Variants in AGTPBP1 observed in about 807,000 individuals in gnomAD.
AGTPBP1 encodes ATP/GTP binding carboxypeptidase 1.
In AGTPBP1, 70 loss-of-function variants were observed where a neutral mutation model predicts 143.9. The observed-to-expected ratio is 0.49, with a 90% CI of 0.40 to 0.59. The LOEUF (loss-of-function observed/expected upper bound fraction) is 0.59. Ranked by LOEUF, AGTPBP1 falls within the 20% of genes least tolerant of loss-of-function variation. AGTPBP1 has a pLI of 0.00. For synonymous variants in AGTPBP1, 463 were observed against 500.2 expected (o/e 0.93, Z 0.99); for missense variants, 1,229 against 1,464.5 (o/e 0.84, Z 2.62).
Position 85,632,832 on chromosome 9 carries a change from C to T in AGTPBP1, c.1845G>A (p.Ser615=), listed in dbSNP as rs1276100349. Residue 615 remains serine, a synonymous_variant, in exon 14 of 26, where the codon TCG becomes TCA. Transcript: ENST00000357081. ...TESNSSVEQA[S]VEVPDGPTLH... ...GTGTTGGTCCATCAGGTACTTCAAC[C>T]GATGCTTGTTCTACCGATGAATTTG... is the stretch of plus-strand genomic sequence containing the variant. The T allele has an allele frequency of 6.2e-6, 10 of 1,614,000 alleles. No individual in the cohort carries two copies. The highest frequency in any genetic ancestry group is 2.2e-5 in the South Asian group (2 of 91,082).
intron 17 of AGTPBP1, among the ~76,000 whole-genome samples, chr9:85,599,231 G>A (rs1829506709): frequency 6.6e-6 from 1 of 152,006 alleles, no homozygotes; most frequent in African/African-American, 2.4e-5. Context: ...GAGAGGCAGA[G>A]AGAGATCCCA....
At chr9:85,717,750 T>A (rs1045677292) in intron 1 of AGTPBP1, among the ~76,000 whole-genome samples, 1 of 151,774 alleles carries the variant, frequency 6.6e-6, no homozygotes, top group Non-Finnish European at 1.5e-5. Context: ...TCCATAGGTA[T>A]ACATTGCCAT....
At position 85,647,614 on chromosome 9, in the gene AGTPBP1, T is replaced by C. The variant is rs557849047; in HGVS notation, c.1088-1196A>G. Among the ~76,000 whole-genome samples the C allele has an allele frequency of 9.2e-5, 14 of 152,264 alleles. 1 individual carries two copies. In the South Asian group the frequency reaches 1.5e-3, roughly 16 times the overall value. On this transcript the variant is annotated intron_variant, in intron 11 of 25. Transcript: ENST00000357081. ...CAAAATGCTATGGGAAAACGAGAAA[T>C]GCAACAACTAATTGTAAACTGCTTG...
intron 15 of AGTPBP1, among the ~76,000 whole-genome samples, chr9:85,620,443 G>T (rs1830859177): frequency 6.7e-6 from 1 of 148,780 alleles, no homozygotes; most frequent in Non-Finnish European, 1.5e-5. Flanking sequence ...AAAAAAAGGT[G>T]TTTTTTTCCT....
upstream of AGTPBP1, among the ~76,000 whole-genome samples, chr9:85,743,840 T>G (rs1262790141): frequency 6.6e-6 from 1 of 152,160 alleles, no homozygotes; most frequent in Non-Finnish European, 1.5e-5. Context: ...CTCCTGTATG[T>G]TGGACACCAT....
At chr9:85,732,210 C>CT (rs144655182) in intron 1 of AGTPBP1, among the ~76,000 whole-genome samples, 7,192 of 120,904 alleles carry the variant, frequency 0.059, 249 homozygotes, top group Non-Finnish European at 0.067. Context: ...GACTATGACC[C>CT]TTTTTTTTTT....
chr9:85,687,814 G>A (rs1196970352), intron 3 of AGTPBP1, among the ~76,000 whole-genome samples: 1 of 152,052 alleles, frequency 6.6e-6, no homozygotes, highest in Non-Finnish European at 1.5e-5. Context: ...TGGCGGCCAG[G>A]CGCGGTGGCT....
chr9:85,714,908 G>A (rs62570600), intron 1 of AGTPBP1, among the ~76,000 whole-genome samples: 2,255 of 152,196 alleles, frequency 0.015, 25 homozygotes, highest in Middle Eastern at 0.037. Flanking sequence ...ACAACGTGGT[G>A]TAATGCCTAA....
chr9:85,707,104 C>A (rs1001378038), intron 2 of AGTPBP1, among the ~76,000 whole-genome samples: 2 of 152,104 alleles, frequency 1.3e-5, no homozygotes, highest in Non-Finnish European at 2.9e-5. Flanking sequence ...CCTTTAGAAA[C>A]CCCTCAAATA....
intron 8 of AGTPBP1, among the ~76,000 whole-genome samples, chr9:85,661,827 A>C (rs116661150): frequency 5.6e-4 from 85 of 152,292 alleles, no homozygotes; most frequent in African/African-American, 2.0e-3. Flanking sequence ...CCTCTTGGTA[A>C]TACATCAACA....
intron 12 of AGTPBP1, among the ~76,000 whole-genome samples, chr9:85,644,914 C>T (rs1832721145): frequency 6.6e-6 from 1 of 151,932 alleles, no homozygotes; most frequent in East Asian, 1.9e-4. Context: ...AGGCAGGCAG[C>T]AGTAGGAAAG....
rs145596969 is a variant in AGTPBP1, at chr9:85,681,482, G to A, written c.158-147C>T. 5,419 of 634,376 alleles carry A rather than the reference G, an allele frequency of 8.5e-3. 38 individuals are homozygous for A. Among genetic ancestry groups the A allele is most frequent in the South Asian group, 0.016 (772 of 49,712 alleles). The allele number at this position is 634,376 out of a possible 1,614,324, so 39.3% of individuals were successfully genotyped here. ...GTTCACAGACGTTCTTCCCTCTGAT[G>A]TTGCTAATTCTACCATATGTGGACT... On this transcript the variant is annotated intron_variant, in intron 3 of 25. Coordinates refer to ENST00000357081, the MANE Select transcript of AGTPBP1 (RefSeq NM_001330701.2).
intron 25 of AGTPBP1, among the ~76,000 whole-genome samples, chr9:85,560,843 A>T (rs1386882447): frequency 6.6e-6 from 1 of 152,180 alleles, no homozygotes; most frequent in Non-Finnish European, 1.5e-5. Context: ...CAGAGGATAT[A>T]GTGAAAAGAT....
At chr9:85,734,979 G>A (rs1839144478) in intron 1 of AGTPBP1, among the ~76,000 whole-genome samples, 1 of 152,142 alleles carries the variant, frequency 6.6e-6, no homozygotes, top group African/African-American at 2.4e-5. Context: ...AGGTTGCAGT[G>A]AGCTGAGATC....
At chr9:85,748,412 A>G in the AGTPBP1 span, among the ~76,000 whole-genome samples, 1,331 of 152,278 alleles carry the variant, frequency 8.7e-3, 21 homozygotes, top group African/African-American at 0.03. Flanking sequence ...AGGTGAATAT[A>G]GGATACTTTT....
chr9:85,640,144 G>A lies in AGTPBP1; in HGVS notation c.1302+2683C>T, dbSNP rs574838838. 2.6e-5 allele frequency among the ~76,000 whole-genome samples: 4 copies of A among 152,284 alleles called. No individual in the cohort carries two copies. In the East Asian group the frequency reaches 7.7e-4, roughly 29 times the overall value. Reference sequence around the variant, plus strand: ...ACAAAAAATTGATACAAAGATAGCTGAAGAAAATTCTTTCAAACACATCCT... The same window carrying A: ...ACAAAAAATTGATACAAAGATAGCTAAAGAAAATTCTTTCAAACACATCCT... On this transcript the variant is annotated intron_variant, in intron 13 of 25. Transcript: ENST00000357081.
intron 13 of AGTPBP1, 36 bp downstream of exon 13, chr9:85,642,791 A>G: frequency 2.7e-6 from 4 of 1,489,334 alleles, no homozygotes; most frequent in Non-Finnish European, 2.8e-6. Context: ...CTTTTTATTA[A>G]AATCAGTTAA....
At chr9:85,566,185 G>T (rs1450101290) in intron 25 of AGTPBP1, among the ~76,000 whole-genome samples, 5 of 152,122 alleles carry the variant, frequency 3.3e-5, no homozygotes, top group African/African-American at 1.2e-4. Context: ...GGTTAACTAG[G>T]AGTTAGCCAG....
At chr9:85,608,327 A>G (rs62566921) in intron 17 of AGTPBP1, among the ~76,000 whole-genome samples, 2,512 of 152,218 alleles carry the variant, frequency 0.017, 29 homozygotes, top group Middle Eastern at 0.054. Flanking sequence ...GAAACTACAG[A>G]AGATATAAGC....
Sources: allele counts gnomAD v4.1 joint callset (sites outside exome capture counted in the v4.1 genomes callset), GRCh38; gene constraint gnomAD v4.1.1; transcripts MANE v1.5; gene names NCBI Gene and HGNC (gene_info 2026-07-23, HGNC 2026-07-21).